Variants in BRINP3 observed in about 807,000 individuals in gnomAD.
BRINP3 encodes the protein BMP/retinoic acid-inducible neural-specific protein 3.
A neutral mutation model predicts 71.0 loss-of-function variants in BRINP3; 19 were observed. That is an observed-to-expected ratio of 0.27 (90% CI 0.19 to 0.39). BRINP3 has a LOEUF of 0.39. Among genes scored for constraint, BRINP3 ranks in the 10% least tolerant of loss-of-function variants. The pLI is 1.00. For missense variants in BRINP3, 959 were observed against 940.8 expected, an observed-to-expected ratio of 1.02 and a Z score of -0.25; for synonymous variants, 380 against 337.7, an observed-to-expected ratio of 1.13 and a Z score of -1.37.
intron 7 of BRINP3, among the ~76,000 whole-genome samples, chr1:190,144,281 A>T (rs1165479885): frequency 6.6e-6 from 1 of 152,096 alleles, no homozygotes; most frequent in African/African-American, 2.4e-5. Context: ...CATCCATAGC[A>T]TCCATATTTC....
At chr1:190,389,407 CT>C (rs1558242917) in intron 2 of BRINP3, among the ~76,000 whole-genome samples, 1 of 151,792 alleles carries the variant, frequency 6.6e-6, no homozygotes, top group Non-Finnish European at 1.5e-5. Flanking sequence ...CAAAAGAATA[CT>C]TTCCTACTTC....
At chr1:190,152,531 A>AACCCC (rs1558012582) in intron 7 of BRINP3, among the ~76,000 whole-genome samples, 1 of 84,650 alleles carries the variant, frequency 1.2e-5, no homozygotes, top group Non-Finnish European at 2.2e-5. Context: ...ATCTCCCCCA[A>AACCCC]CCCCCCCCCC....
intron 7 of BRINP3, among the ~76,000 whole-genome samples, chr1:190,127,548 C>T (rs936729129): frequency 4.0e-5 from 6 of 151,782 alleles, no homozygotes; most frequent in Admixed American, 1.3e-4. Context: ...TTTTGTTACA[C>T]CCACAATTAT....
chr1:190,130,590 C>T (rs780655549), intron 7 of BRINP3, among the ~76,000 whole-genome samples: 10 of 151,956 alleles, frequency 6.6e-5, no homozygotes, highest in Non-Finnish European at 1.5e-4. Flanking sequence ...AGATCCTGTT[C>T]TAAAAGTGCC....
intron 2 of BRINP3, among the ~76,000 whole-genome samples, chr1:190,441,570 T>C (rs1043679634): frequency 3.9e-5 from 6 of 152,120 alleles, no homozygotes; most frequent in Non-Finnish European, 8.8e-5. Flanking sequence ...TCTGCTAAGA[T>C]ATTTGTCAGT....
At chr1:190,368,671 C>A (rs1669663311) in intron 2 of BRINP3, among the ~76,000 whole-genome samples, 1 of 152,138 alleles carries the variant, frequency 6.6e-6, no homozygotes, top group African/African-American at 2.4e-5. Flanking sequence ...ACTCCTGAAA[C>A]CTCTGTGATT....
intron 2 of BRINP3, among the ~76,000 whole-genome samples, chr1:190,298,224 C>T (rs1009001652): frequency 6.6e-5 from 10 of 152,004 alleles, no homozygotes; most frequent in Non-Finnish European, 1.2e-4. Context: ...AATTTGTCTA[C>T]TGTCTTTTTT....
chr1:190,143,321 C>A (rs1655614528), intron 7 of BRINP3, among the ~76,000 whole-genome samples: 1 of 152,128 alleles, frequency 6.6e-6, no homozygotes. Flanking sequence ...ATAATAAAAT[C>A]ATGAAGACAA....
intron 6 of BRINP3, among the ~76,000 whole-genome samples, chr1:190,177,933 T>C (rs1327430406): frequency 6.6e-6 from 1 of 152,208 alleles, no homozygotes; most frequent in Non-Finnish European, 1.5e-5. Context: ...ATTATTCCTA[T>C]ACAATAGAGT....
chr1:190,367,077 C>T (rs1669551370), intron 2 of BRINP3, among the ~76,000 whole-genome samples: 1 of 152,140 alleles, frequency 6.6e-6, no homozygotes, highest in Admixed American at 6.6e-5. Flanking sequence ...TGGGTAGTGC[C>T]CCAGTGTGGA....
intron 6 of BRINP3, 34 bp downstream of exon 6, chr1:190,226,048 A>T (rs1358668545): frequency 7.4e-7 from 1 of 1,351,534 alleles, no homozygotes; most frequent in Admixed American, 2.4e-5. Context: ...TTTTGTCAAT[A>T]TTTAAAAGTG....
At chr1:190,336,689 G>T (rs536324918) in intron 2 of BRINP3, among the ~76,000 whole-genome samples, 7 of 151,954 alleles carry the variant, frequency 4.6e-5, no homozygotes, top group African/African-American at 1.7e-4. Flanking sequence ...TGCAAAACGT[G>T]CTCTTTCTAC....
chr1:190,449,959 T>TAA (rs1192390964), intron 2 of BRINP3, among the ~76,000 whole-genome samples: 7 of 152,132 alleles, frequency 4.6e-5, no homozygotes, highest in Non-Finnish European at 1.5e-5. Flanking sequence ...ATGTAGCAAA[T>TAA]AAAAATACAT....
At chr1:190,122,985 GGACA>G (rs112872073) in intron 7 of BRINP3, among the ~76,000 whole-genome samples, 5,707 of 152,118 alleles carry the variant, frequency 0.038, 356 homozygotes, top group African/African-American at 0.13. Context: ...CCTTCTGTTG[GGACA>G]GACAGTTGCA....
At chr1:190,366,306 G>T (rs1669497801) in intron 2 of BRINP3, among the ~76,000 whole-genome samples, 1 of 152,124 alleles carries the variant, frequency 6.6e-6, no homozygotes, top group African/African-American at 2.4e-5. Flanking sequence ...AAAGAGAAGT[G>T]CTGAGCAAAG....
intron 6 of BRINP3, among the ~76,000 whole-genome samples, chr1:190,198,050 C>T (rs1387636240): frequency 6.6e-6 from 1 of 152,124 alleles, no homozygotes; most frequent in African/African-American, 2.4e-5. Flanking sequence ...ACCCACAGGC[C>T]CAACACCACC....
chr1:190,318,583 G>A (rs655598), intron 2 of BRINP3, among the ~76,000 whole-genome samples: 85,247 of 151,758 alleles, frequency 0.56, 24,192 homozygotes, highest in Admixed American at 0.68. Flanking sequence ...ATTAGGGAAA[G>A]GTTTTGATTA....
intron 2 of BRINP3, among the ~76,000 whole-genome samples, chr1:190,431,733 G>T (rs1328571079): frequency 6.6e-6 from 1 of 152,014 alleles, no homozygotes; most frequent in Non-Finnish European, 1.5e-5. Flanking sequence ...AATCCCTGGG[G>T]AAAATGAACA....
chr1:190,369,967 G>C lies in BRINP3; in HGVS notation c.236+84688C>G, dbSNP rs554786626. 1.4e-3 allele frequency among the ~76,000 whole-genome samples: 216 copies of C among 152,122 alleles called. 1 individual carries two copies. The highest frequency in any genetic ancestry group is 1.6e-3 in the Non-Finnish European group (109 of 67,992). Reference sequence around the variant, plus strand: ...TATTAAATATTTTAAACTCATTATGGAGTTGGTCACTGAAGACTCCTTGGC... The same window carrying C: ...TATTAAATATTTTAAACTCATTATGCAGTTGGTCACTGAAGACTCCTTGGC... On this transcript the variant is annotated intron_variant, in intron 2 of 7. Transcript: ENST00000367462.
Sources: allele counts gnomAD v4.1 joint callset (sites outside exome capture counted in the v4.1 genomes callset), GRCh38; gene constraint gnomAD v4.1.1; transcripts MANE v1.5; gene names NCBI Gene and HGNC (gene_info 2026-07-23, HGNC 2026-07-21).